The following TMEM131 variants were observed in gnomAD, a reference collection of about 807,000 sequenced individuals.
The protein encoded by TMEM131 is transmembrane protein 131.
A neutral mutation model predicts 211.6 loss-of-function variants in TMEM131; 66 were observed. The ratio of observed to expected loss-of-function variants is 0.31; its 90% CI spans 0.26 to 0.38. The LOEUF is 0.38. TMEM131 is among the 10% of genes least tolerant of loss of function. The pLI is 1.00. For synonymous variants in TMEM131, 844 were observed against 841.3 expected (o/e 1.00, Z -0.06); for missense variants, 2,036 against 2,299.3 (o/e 0.89, Z 2.34).
chr2:97,926,808 C>A (rs1386840925), intron 2 of TMEM131, among the ~76,000 whole-genome samples: 1 of 152,144 alleles, frequency 6.6e-6, no homozygotes. Context: ...GGATTATCAA[C>A]CTGCAACCTA....
chr2:97,822,229 C>T (rs1250684938), intron 11 of TMEM131, among the ~76,000 whole-genome samples: 1 of 143,808 alleles, frequency 7.0e-6, no homozygotes. Flanking sequence ...ACTCACCAAT[C>T]AAAGACATAA....
chr2:97,859,945 G>C (rs906134690), intron 4 of TMEM131, among the ~76,000 whole-genome samples: 3 of 152,188 alleles, frequency 2.0e-5, no homozygotes, highest in African/African-American at 7.2e-5. Context: ...ACCTGGATGT[G>C]AATCTAAGTC....
intron 40 of TMEM131, 23 bp from the exon 41 acceptor site, chr2:97,757,406 C>T: frequency 6.4e-7 from 1 of 1,555,262 alleles, no homozygotes; most frequent in South Asian, 1.2e-5. Flanking sequence ...AGAAAGCGTC[C>T]AGCACTGAGC....
At chr2:97,919,838 G>T (rs1176762144) in intron 2 of TMEM131, among the ~76,000 whole-genome samples, 1 of 152,176 alleles carries the variant, frequency 6.6e-6, no homozygotes, top group Non-Finnish European at 1.5e-5. Context: ...CCAAAGTACT[G>T]GGATTACAGG....
intron 3 of TMEM131, among the ~76,000 whole-genome samples, chr2:97,906,228 T>C (rs1676061884): frequency 6.6e-6 from 1 of 152,202 alleles, no homozygotes; most frequent in Non-Finnish European, 1.5e-5. Flanking sequence ...GTCTGTTGTT[T>C]AAGCCACTCA....
chr2:97,971,290 G>A (rs953005747), intron 1 of TMEM131, among the ~76,000 whole-genome samples: 1 of 152,092 alleles, frequency 6.6e-6, no homozygotes, highest in African/African-American at 2.4e-5. Flanking sequence ...GTCCTGACAG[G>A]AAAATAGCAC....
chr2:97,845,212 A>T (rs1459309535), intron 5 of TMEM131, among the ~76,000 whole-genome samples: 2 of 152,056 alleles, frequency 1.3e-5, no homozygotes, highest in African/African-American at 2.4e-5. Context: ...TAGAAAAGAC[A>T]AGCACCTCCA....
At chr2:97,816,788 A>C (rs554269729) in intron 12 of TMEM131, among the ~76,000 whole-genome samples, 22 of 152,328 alleles carry the variant, frequency 1.4e-4, no homozygotes, top group African/African-American at 4.8e-4. Flanking sequence ...AGCTCAAGAA[A>C]ATTCTGTTGA....
At chr2:97,802,069 G>T in intron 24 of TMEM131, 108 bp from the exon 25 acceptor site, 1 of 697,396 alleles carries the variant, frequency 1.4e-6, no homozygotes, top group Non-Finnish European at 2.3e-6. Context: ...TGTCTGTCAG[G>T]TTTTGAGATC....
intron 1 of TMEM131, among the ~76,000 whole-genome samples, chr2:97,956,999 A>T (rs1019885734): frequency 6.6e-6 from 1 of 151,892 alleles, no homozygotes; most frequent in East Asian, 1.9e-4. Context: ...CAGGAGGCAG[A>T]GGCAGGAGAA....
At chr2:97,885,385 G>A (rs907034788) in intron 4 of TMEM131, among the ~76,000 whole-genome samples, 3 of 150,808 alleles carry the variant, frequency 2.0e-5, no homozygotes, top group Non-Finnish European at 2.9e-5. Context: ...TAGTAGAGAC[G>A]GGGTTTCACC....
Position 97,758,882 on chromosome 2 carries a change from C to T in TMEM131, c.5367+11G>A. ...CAGGTCCAGGCCCCAGCCCCAGCCC[C>T]AAGTACTCACTGTGGCTGTGTGGGT... is the stretch of plus-strand genomic sequence containing the variant. On this transcript the variant is annotated intron_variant, in intron 40 of 40. Transcript: ENST00000186436. 6.2e-7 allele frequency: 1 copy of T among 1,603,922 alleles called. No individual in the cohort carries two copies. The highest frequency in any genetic ancestry group is 8.5e-7 in the Non-Finnish European group (1 of 1,174,958).
At chr2:97,988,010 A>G (rs559632140) in intron 1 of TMEM131, among the ~76,000 whole-genome samples, 1 of 152,234 alleles carries the variant, frequency 6.6e-6, no homozygotes, top group Non-Finnish European at 1.5e-5. Flanking sequence ...AATAATCTTG[A>G]AAAGGAAGAA....
Position 97,802,657 on chromosome 2 carries a change from A to T in TMEM131, c.2536T>A (p.Ser846Thr). ...LKFPLTNTNC[S>T]SEEEITLENP... ...ATGTCACTTTGAATACTTACTGAGG[A>T]GCAGTTTGTATTAGTAAGTGGAAAT... Residue 846 changes from serine to threonine, a missense_variant, in exon 23 of 41, where the codon TCC (serine) becomes ACC (threonine). Coordinates refer to ENST00000186436, the MANE Select transcript of TMEM131 (RefSeq NM_015348.2). 1 of 1,612,420 alleles carries T rather than the reference A, an allele frequency of 6.2e-7. No homozygotes were observed. The highest frequency in any genetic ancestry group is 8.5e-7 in the Non-Finnish European group (1 of 1,179,096).
At chr2:97,902,079 CAAT>C (rs1675877682) in intron 3 of TMEM131, among the ~76,000 whole-genome samples, 1 of 149,382 alleles carries the variant, frequency 6.7e-6, no homozygotes, top group Non-Finnish European at 1.5e-5. Flanking sequence ...ATGTATTATG[CAAT>C]AATAAAAAAA....
intron 1 of TMEM131, among the ~76,000 whole-genome samples, chr2:97,962,678 C>G (rs1243547148): frequency 6.6e-6 from 1 of 152,166 alleles, no homozygotes; most frequent in Non-Finnish European, 1.5e-5. Context: ...TCAATCTACT[C>G]CCAGGTATTA....
At chr2:97,865,293 T>C (rs1674227795) in intron 4 of TMEM131, among the ~76,000 whole-genome samples, 1 of 152,260 alleles carries the variant, frequency 6.6e-6, no homozygotes, top group Non-Finnish European at 1.5e-5. Flanking sequence ...TGTGGTCTAT[T>C]GCCATGGTCA....
Position 97,776,006 on chromosome 2 carries a change from G to A in TMEM131, c.4157C>T (p.Pro1386Leu). The A allele has an allele frequency of 3.7e-6, 6 of 1,607,644 alleles. No individual in the cohort carries two copies. The highest frequency in any genetic ancestry group is 5.1e-6 in the Non-Finnish European group (6 of 1,178,206). ...AGGTGGTTTCACCTTGCGCTGAAGA[G>A]GTTTTCCTTTCCCTGAGGATAAAAA... The part of the protein sequence containing the change: ...PLPKSKGKGK[P>L]LQRKVKPPKK... Residue 1386 changes from proline (P) to leucine (L), a missense_variant, in exon 32 of 41, where the codon CCT (proline) becomes CTT (leucine). Transcript: ENST00000186436.
intron 25 of TMEM131, 69 bp downstream of exon 25, chr2:97,801,826 T>C (rs1681048954): frequency 1.7e-6 from 2 of 1,177,244 alleles, no homozygotes; most frequent in Admixed American, 5.5e-5. Context: ...CCAATAATTT[T>C]CTTTCATATT....
Sources: gnomAD v4.1 joint callset for allele counts (sites outside exome capture counted in the v4.1 genomes callset) on GRCh38, gnomAD v4.1.1 for gene constraint, MANE v1.5 for transcripts, NCBI Gene and HGNC (gene_info 2026-07-23, HGNC 2026-07-21) for gene names.